ADAM28: variants seen among roughly 807,000 people sequenced by gnomAD.
ADAM28 encodes ADAM metallopeptidase domain 28, also known as disintegrin and metalloproteinase domain-containing protein 28.
ADAM28 carries 105 observed loss-of-function variants against 101.2 expected under a neutral mutation model. The ratio of observed to expected loss-of-function variants is 1.04; its 90% CI spans 0.89 to 1.22. The LOEUF (loss-of-function observed/expected upper bound fraction) is 1.22. Ranked by LOEUF, ADAM28 falls within the 50% of genes most tolerant of loss-of-function variation. The probability of loss-of-function intolerance (pLI) is 0.00; values close to 1 mark genes in which losing one functional copy is unlikely to be tolerated. For missense variants in ADAM28, 1,028 were observed against 945.4 expected, an observed-to-expected ratio of 1.09 and a Z score of -1.15; for synonymous variants, 322 against 310.6, an observed-to-expected ratio of 1.04 and a Z score of -0.39.
At chr8:24,321,510 C>T (rs1369268081) in intron 8 of ADAM28, 4 of 543,692 alleles carry the variant, frequency 7.4e-6, no homozygotes, top group Non-Finnish European at 1.3e-5. Flanking sequence ...ACAGTATTCT[C>T]AGGTATAAGA....
chr8:24,324,141 T>A lies in ADAM28; in HGVS notation c.890+138T>A. On this transcript the variant is annotated intron_variant, in intron 9 of 22. Coordinates refer to ENST00000265769, the MANE Select transcript of ADAM28 (RefSeq NM_014265.6). ...CTTGGATTATATGTCAAATATGCTC[T>A]TATTTTGGATCCAAGTATTTTTTTT... 4.6e-6 allele frequency: 3 copies of A among 647,038 alleles called. No homozygotes were observed. The South Asian group carries it at 1.7e-4, about 36-fold the overall frequency. The allele number at this position is 647,038 out of a possible 1,614,324, so 40.1% of individuals were successfully genotyped here. A position where few individuals can be genotyped will look rare whatever the true frequency, so the allele number is the denominator to read the frequency against.
At chr8:24,343,281 A>G (rs138131600) in intron 17 of ADAM28, 100 bp downstream of exon 17, 13 of 1,411,640 alleles carry the variant, frequency 9.2e-6, no homozygotes, top group Middle Eastern at 2.3e-4. Context: ...TTAAATGATG[A>G]TAATTACTAA....
At position 24,353,538 on chromosome 8, in the gene ADAM28, C is replaced by CACTG. The variant is rs575370673; in HGVS notation, c.2245-229_2245-226dup. Among the ~76,000 whole-genome samples the CACTG allele has an allele frequency of 3.5e-3, 540 of 152,150 alleles. 3 individuals carry two copies. Among genetic ancestry groups the CACTG allele is most frequent in the Middle Eastern group, 0.017 (5 of 294 alleles). On this transcript the variant is annotated intron_variant, in intron 21 of 22. Coordinates refer to ENST00000265769, the MANE Select transcript of ADAM28 (RefSeq NM_014265.6). ...TTGTAGTATCGCCCAAGACGAGTGA[C>CACTG]ACTGACAGGAAAAATATGGTGAGGA...
intron 6 of ADAM28, among the ~76,000 whole-genome samples, chr8:24,315,485 A>T (rs1811044786): frequency 6.6e-6 from 1 of 152,038 alleles, no homozygotes; most frequent in South Asian, 2.1e-4. Flanking sequence ...AAGCCTGAAC[A>T]GACCAATAAC....
At chr8:24,341,497 G>T (rs569760920) in intron 15 of ADAM28, 101 bp from the exon 16 acceptor site, 35 of 1,237,752 alleles carry the variant, frequency 2.8e-5, no homozygotes, top group Non-Finnish European at 3.8e-5. Flanking sequence ...TAAGAGTCTC[G>T]GCTACAGGGA....
intron 5 of ADAM28, among the ~76,000 whole-genome samples, chr8:24,312,588 CTATTA>C (rs1217112978): frequency 6.6e-6 from 1 of 151,806 alleles, no homozygotes; most frequent in Non-Finnish European, 1.5e-5. Flanking sequence ...TTCAGTCTGT[CTATTA>C]TATCTCTTGT....
At chr8:24,310,018 C>G (rs774092425) in intron 3 of ADAM28, 48 bp downstream of exon 3, 26 of 1,495,914 alleles carry the variant, frequency 1.7e-5, no homozygotes, top group Non-Finnish European at 2.3e-5. Context: ...GCAAGGCAGC[C>G]TATGGAGAGT....
intron 5 of ADAM28, among the ~76,000 whole-genome samples, chr8:24,312,619 CAATT>C (rs1810619758): frequency 1.3e-5 from 2 of 151,642 alleles, no homozygotes; most frequent in Middle Eastern, 3.4e-3. Context: ...TTCTTCACAT[CAATT>C]ATTATAATTA....
At chr8:24,294,645 T>C (rs1807723058) in intron 1 of ADAM28, among the ~76,000 whole-genome samples, 1 of 147,610 alleles carries the variant, frequency 6.8e-6, no homozygotes, top group Non-Finnish European at 1.5e-5. Flanking sequence ...TGTTTGAGTG[T>C]ATATTTTTGT....
At chr8:24,319,011 C>A (rs529225426) in intron 6 of ADAM28, among the ~76,000 whole-genome samples, 2 of 152,100 alleles carry the variant, frequency 1.3e-5, no homozygotes, top group East Asian at 3.9e-4. Flanking sequence ...GGGTCACAAA[C>A]CCCTATACGA....
chr8:24,347,791 C>G (rs931982971), intron 18 of ADAM28, among the ~76,000 whole-genome samples: 3 of 151,918 alleles, frequency 2.0e-5, no homozygotes, highest in Non-Finnish European at 4.4e-5. Context: ...CACTTCTTAC[C>G]TTTGAGAATA....
intron 14 of ADAM28, among the ~76,000 whole-genome samples, chr8:24,336,302 G>A (rs1029496253): frequency 6.6e-6 from 1 of 151,922 alleles, no homozygotes; most frequent in African/African-American, 2.4e-5. Flanking sequence ...AAATAACTTT[G>A]GCCAGGTGCG....
At chr8:24,335,164 C>T (rs1160406872) in intron 13 of ADAM28, among the ~76,000 whole-genome samples, 1 of 149,738 alleles carries the variant, frequency 6.7e-6, no homozygotes, top group African/African-American at 2.5e-5. Context: ...AAGTTGTTGC[C>T]TGTTTTTTTT....
rs754274112 is a variant in ADAM28, at chr8:24,343,557, G to A, written c.1963G>A (p.Asp655Asn). Reference sequence around the variant, plus strand: ...ATGTGAGGAAGGATGGATCCCTCCCGACTGCGATGACTCCTCAGTGGTCTT... The same window carrying A: ...ATGTGAGGAAGGATGGATCCCTCCCAACTGCGATGACTCCTCAGTGGTCTT... ...CQCEEGWIPPDCDDSSVVFHF... is the reference protein window; with the variant it reads ...CQCEEGWIPPNCDDSSVVFHF... Residue 655 changes from aspartate to asparagine, a missense_variant, in exon 18 of 23, where the codon GAC (aspartate) becomes AAC (asparagine). Transcript: ENST00000265769. The A allele has an allele frequency of 3.1e-5, 50 of 1,613,538 alleles. No individual in the cohort carries two copies. Among genetic ancestry groups the A allele is most frequent in the Admixed American group, 1.3e-4 (8 of 59,940 alleles).
chr8:24,324,670 T>C lies in ADAM28; in HGVS notation c.890+667T>C, dbSNP rs528583968. ...GGTCATCTGTTAACTGCATAACAAA[T>C]GAGCTTGAATTTCTGGGCTTGAAAT... On this transcript the variant is annotated intron_variant, in intron 9 of 22. Transcript: ENST00000265769. Among the ~76,000 whole-genome samples the C allele has an allele frequency of 3.9e-4, 60 of 152,094 alleles. No homozygotes were observed. The South Asian group carries it at 0.012, about 31-fold the overall frequency.
intron 9 of ADAM28, among the ~76,000 whole-genome samples, chr8:24,326,157 A>G (rs1397699318): frequency 6.6e-6 from 1 of 151,898 alleles, no homozygotes; most frequent in Non-Finnish European, 1.5e-5. Context: ...TGTAAAACAA[A>G]AGTATGTGAT....
At chr8:24,294,230 T>G (rs780027786) in intron 1 of ADAM28, 35 bp downstream of exon 1, 2 of 1,609,052 alleles carry the variant, frequency 1.2e-6, no homozygotes, top group Non-Finnish European at 8.5e-7. Flanking sequence ...TTCTATTGAA[T>G]GCATTAGCGA....
chr8:24,332,516 TA>T, intron 12 of ADAM28, 143 bp from the exon 13 acceptor site: 1 of 401,918 alleles, frequency 2.5e-6, no homozygotes, highest in East Asian at 3.9e-5. Flanking sequence ...TCAGGTTTTC[TA>T]ATTTTTTTTA....
At chr8:24,308,856 G>C (rs1283075740) in intron 2 of ADAM28, 1 of 367,770 alleles carries the variant, frequency 2.7e-6, no homozygotes. Context: ...TTGTCTGTCT[G>C]TGAGCTCAGA....
Sources: allele counts gnomAD v4.1 joint callset (sites outside exome capture counted in the v4.1 genomes callset), GRCh38; gene constraint gnomAD v4.1.1; transcripts MANE v1.5; gene names NCBI Gene and HGNC (gene_info 2026-07-23, HGNC 2026-07-21).